Variants in RBFOX1 observed in about 807,000 individuals in gnomAD.
RBFOX1 encodes RNA binding protein fox-1 homolog 1.
Under a neutral mutation model 57.7 loss-of-function variants are expected in RBFOX1, and 8 were observed. That is an observed-to-expected ratio of 0.14 (90% CI 0.08 to 0.25). RBFOX1 has a LOEUF of 0.25. Among genes scored for constraint, RBFOX1 ranks in the 10% least tolerant of loss-of-function variants. The pLI, the probability that RBFOX1 is intolerant of heterozygous loss-of-function variation, is 1.00. For missense variants in RBFOX1, 611 were observed against 548.5 expected, an observed-to-expected ratio of 1.11 and a Z score of -1.14; for synonymous variants, 326 against 222.4, an observed-to-expected ratio of 1.47 and a Z score of -4.15.
intron 4 of RBFOX1, among the ~76,000 whole-genome samples, chr16:7,248,780 GAT>G (rs2094404882): frequency 6.6e-6 from 1 of 152,206 alleles, no homozygotes; most frequent in South Asian, 2.1e-4. Flanking sequence ...TCTAGGCAGA[GAT>G]ATATCAGGGA....
chr16:7,520,142 C>G (rs1482613118), intron 5 of RBFOX1, among the ~76,000 whole-genome samples: 2 of 152,138 alleles, frequency 1.3e-5, no homozygotes, highest in East Asian at 3.9e-4. Flanking sequence ...GTCTCGGCCT[C>G]CCAAAGTGCT....
intron 4 of RBFOX1, among the ~76,000 whole-genome samples, chr16:7,198,237 C>G (rs1395542600): frequency 6.6e-6 from 1 of 152,016 alleles, no homozygotes; most frequent in African/African-American, 2.4e-5. Flanking sequence ...AATCTCCTAA[C>G]GTCGTGATCT....
intron 3 of RBFOX1, among the ~76,000 whole-genome samples, chr16:5,739,670 C>G (rs368335848): frequency 6.6e-6 from 1 of 152,134 alleles, no homozygotes; most frequent in African/African-American, 2.4e-5. Flanking sequence ...TTCTGTGCAC[C>G]CTAAGCTTCA....
intron 4 of RBFOX1, among the ~76,000 whole-genome samples, chr16:7,241,531 A>G (rs552529790): frequency 6.6e-6 from 1 of 152,276 alleles, no homozygotes; most frequent in African/African-American, 2.4e-5. Flanking sequence ...CACAGCAAAC[A>G]CTTTTATGGC....
intron 1 of RBFOX1, among the ~76,000 whole-genome samples, chr16:6,198,610 C>G (rs908074992): frequency 5.9e-5 from 9 of 152,090 alleles, no homozygotes; most frequent in Non-Finnish European, 1.2e-4. Flanking sequence ...ACATTCCATG[C>G]TTTTAAATAG....
intron 5 of RBFOX1, among the ~76,000 whole-genome samples, chr16:7,522,465 C>G (rs376452389): frequency 2.0e-5 from 3 of 152,186 alleles, no homozygotes; most frequent in East Asian, 3.9e-4. Flanking sequence ...CTTTAAAGAC[C>G]TAGAAGACAA....
intron 1 of RBFOX1, among the ~76,000 whole-genome samples, chr16:6,071,373 A>G (rs997565700): frequency 1.3e-5 from 2 of 152,196 alleles, no homozygotes; most frequent in African/African-American, 4.8e-5. Flanking sequence ...TGACATGTAA[A>G]GGGCAGAAAA....
intron 2 of RBFOX1, among the ~76,000 whole-genome samples, chr16:6,636,830 ATATATAATATATAAT>A (rs2098439359): frequency 2.7e-5 from 1 of 36,688 alleles, no homozygotes; most frequent in African/African-American, 6.0e-5. Context: ...AATATATGTT[ATATATAATATATAAT>A]ATATATAATA....
intron 4 of RBFOX1, among the ~76,000 whole-genome samples, chr16:7,184,629 C>G (rs554163377): frequency 2.5e-4 from 38 of 152,274 alleles, no homozygotes; most frequent in African/African-American, 8.7e-4. Context: ...CTAGAGCAGT[C>G]ACAGTATACC....
At chr16:7,376,555 C>T (rs1012764207) in intron 4 of RBFOX1, among the ~76,000 whole-genome samples, 5 of 152,082 alleles carry the variant, frequency 3.3e-5, no homozygotes, top group Non-Finnish European at 5.9e-5. Flanking sequence ...TTCCAACCTC[C>T]GAGTTTTCTG....
At chr16:5,990,267 AGG>A (rs756458496) in intron 4 of RBFOX1, among the ~76,000 whole-genome samples, 3,834 of 152,274 alleles carry the variant, frequency 0.025, 130 homozygotes, top group East Asian at 0.14. Context: ...CTGGGGTTAC[AGG>A]CATGAGCCCA....
chr16:7,529,369 A>C (rs2079443791), intron 5 of RBFOX1, among the ~76,000 whole-genome samples: 1 of 152,222 alleles, frequency 6.6e-6, no homozygotes, highest in African/African-American at 2.4e-5. Flanking sequence ...TGGCAAAATA[A>C]ATTTTTAGTT....
At chr16:7,461,091 T>C (rs914641892) in intron 4 of RBFOX1, among the ~76,000 whole-genome samples, 4 of 152,300 alleles carry the variant, frequency 2.6e-5, no homozygotes, top group Non-Finnish European at 4.4e-5. Flanking sequence ...GAATAACTGA[T>C]ACAGCTGACA....
chr16:5,332,933 C>T (rs1164491933), intron 1 of RBFOX1, among the ~76,000 whole-genome samples: 2 of 152,174 alleles, frequency 1.3e-5, no homozygotes, highest in African/African-American at 4.8e-5. Context: ...CACCTGTAAT[C>T]CCAGCACTTT....
chr16:5,707,056 G>A (rs931430176), intron 3 of RBFOX1, among the ~76,000 whole-genome samples: 1 of 152,146 alleles, frequency 6.6e-6, no homozygotes, highest in African/African-American at 2.4e-5. Context: ...CACCCATCCA[G>A]GGGTGTCCAG....
At chr16:6,382,428 T>C (rs1000734238) in intron 2 of RBFOX1, among the ~76,000 whole-genome samples, 1 of 152,224 alleles carries the variant, frequency 6.6e-6, no homozygotes, top group Non-Finnish European at 1.5e-5. Context: ...ACTAGTAAAA[T>C]GCAAAGATTT....
intron 3 of RBFOX1, among the ~76,000 whole-genome samples, chr16:6,876,805 C>A (rs1050911346): frequency 1.3e-5 from 2 of 152,040 alleles, no homozygotes; most frequent in Admixed American, 1.3e-4. Context: ...ATAACTGTAT[C>A]TGCTAAAACT....
intron 3 of RBFOX1, among the ~76,000 whole-genome samples, chr16:6,711,383 G>C (rs1343330686): frequency 2.0e-5 from 3 of 152,076 alleles, no homozygotes; most frequent in African/African-American, 7.2e-5. Flanking sequence ...CTGGTATCTT[G>C]TCCTATCTCT....
At chr16:5,313,923 G>A (rs2064160380) in intron 1 of RBFOX1, among the ~76,000 whole-genome samples, 1 of 152,192 alleles carries the variant, frequency 6.6e-6, no homozygotes, top group African/African-American at 2.4e-5. Context: ...GATAGCCTGA[G>A]CTCCCATGAA....
Sources: gnomAD v4.1 joint callset for allele counts (sites outside exome capture counted in the v4.1 genomes callset) on GRCh38, gnomAD v4.1.1 for gene constraint, MANE v1.5 for transcripts, NCBI Gene and HGNC (gene_info 2026-07-23, HGNC 2026-07-21) for gene names.